The following CDH12 variants were observed in gnomAD, a reference collection of about 807,000 sequenced individuals.
CDH12 encodes cadherin 12.
Under a neutral mutation model 74.1 loss-of-function variants are expected in CDH12, and 41 were observed. The ratio of observed to expected loss-of-function variants is 0.55; its 90% confidence interval spans 0.43 to 0.72. The LOEUF is 0.72. Among genes scored for constraint, CDH12 ranks in the 30% least tolerant of loss-of-function variants. The pLI, the probability that CDH12 is intolerant of heterozygous loss-of-function variation, is 0.00. For synonymous variants in CDH12, 399 were observed against 355.0 expected, an observed-to-expected ratio of 1.12 and a Z score of -1.39; for missense variants, 945 against 977.2, an observed-to-expected ratio of 0.97 and a Z score of 0.44.
intron 1 of CDH12, among the ~76,000 whole-genome samples, chr5:22,802,797 T>C (rs1748600535): frequency 6.6e-6 from 1 of 152,182 alleles, no homozygotes; most frequent in Non-Finnish European, 1.5e-5. Flanking sequence ...TTTATATCCT[T>C]AAGATAAGCA....
intron 1 of CDH12, among the ~76,000 whole-genome samples, chr5:22,520,222 A>T (rs911553437): frequency 4.6e-5 from 7 of 152,076 alleles, no homozygotes; most frequent in African/African-American, 1.7e-4. Flanking sequence ...ATTGTTATTT[A>T]TTTTTCAATT....
chr5:21,841,602 C>T (rs1749856722), intron 8 of CDH12, among the ~76,000 whole-genome samples: 1 of 150,302 alleles, frequency 6.7e-6, no homozygotes, highest in Admixed American at 6.6e-5. Context: ...AGACTTGGAA[C>T]CAACCCAAAT....
intron 5 of CDH12, among the ~76,000 whole-genome samples, chr5:22,062,119 G>T (rs919156714): frequency 2.0e-5 from 3 of 152,054 alleles, no homozygotes; most frequent in African/African-American, 7.2e-5. Context: ...TTGAAATACT[G>T]GTTTTAGGTA....
intron 4 of CDH12, among the ~76,000 whole-genome samples, chr5:22,154,109 C>A (rs1255991214): frequency 1.3e-5 from 2 of 148,156 alleles, no homozygotes; most frequent in African/African-American, 2.5e-5. Context: ...GGTGTAATGA[C>A]AAAAAAATTG....
chr5:22,716,756 T>C (rs2126982936), intron 1 of CDH12, among the ~76,000 whole-genome samples: 1 of 152,166 alleles, frequency 6.6e-6, no homozygotes, highest in Non-Finnish European at 1.5e-5. Context: ...AACAGTGATA[T>C]TGATGATCCT....
intron 3 of CDH12, among the ~76,000 whole-genome samples, chr5:22,349,913 G>C (rs971375587): frequency 1.3e-5 from 2 of 152,118 alleles, no homozygotes; most frequent in African/African-American, 2.4e-5. Context: ...TCAACCAGTA[G>C]TTCATTGAAA....
intron 2 of CDH12, among the ~76,000 whole-genome samples, chr5:22,411,306 A>G (rs2126472976): frequency 6.6e-6 from 1 of 152,066 alleles, no homozygotes; most frequent in African/African-American, 2.4e-5. Context: ...GCTAATTATT[A>G]CAATACATCA....
At chr5:22,017,884 C>T (rs1211942989) in intron 5 of CDH12, among the ~76,000 whole-genome samples, 2 of 151,778 alleles carry the variant, frequency 1.3e-5, no homozygotes, top group South Asian at 2.1e-4. Context: ...TTCAGCCTCC[C>T]GAGTAGCTGG....
chr5:21,891,601 A>ACACT (rs762795304), intron 6 of CDH12, among the ~76,000 whole-genome samples: 1,898 of 150,320 alleles, frequency 0.013, 50 homozygotes, highest in African/African-American at 0.043. Context: ...ACACACACAC[A>ACACT]CTCTTTCTGG....
intron 1 of CDH12, among the ~76,000 whole-genome samples, chr5:22,519,852 G>T (rs77165484): frequency 0.045 from 6,822 of 152,140 alleles, 228 homozygotes; most frequent in Non-Finnish European, 0.068. Flanking sequence ...ATGGAGTTGT[G>T]GTGAGGTTTA....
At chr5:21,945,596 A>C (rs1334287042) in intron 6 of CDH12, among the ~76,000 whole-genome samples, 1 of 151,866 alleles carries the variant, frequency 6.6e-6, no homozygotes, top group Non-Finnish European at 1.5e-5. Flanking sequence ...AGTTATAAAA[A>C]GTAAATATGA....
rs200156096 is a variant in CDH12, at chr5:22,030,280, TA to T, written c.231+48165del. Among the ~76,000 whole-genome samples the T allele has an allele frequency of 3.8e-3, 577 of 151,474 alleles. 7 individuals carry two copies. Among genetic ancestry groups the T allele is most frequent in the African/African-American group, 0.013 (538 of 41,318 alleles). ...AAAGTTTAATAATAATAAAATAAAA[TA>T]AAAAAAAGAAAGGTATTTCTTGAAT... On this transcript the variant is annotated intron_variant, in intron 5 of 14. Coordinates refer to ENST00000382254, the MANE Select transcript of CDH12 (RefSeq NM_004061.5).
chr5:21,988,853 T>C (rs1757629882), intron 5 of CDH12, among the ~76,000 whole-genome samples: 1 of 152,106 alleles, frequency 6.6e-6, no homozygotes, highest in African/African-American at 2.4e-5. Flanking sequence ...TTAACAAATA[T>C]TAGGGCTGTG....
In CDH12 at chr5:22,144,558, GA is replaced by G. The variant is rs202099439; in HGVS notation, c.-186-65697del. 6.5e-3 allele frequency among the ~76,000 whole-genome samples: 990 copies of G among 152,126 alleles called. 12 individuals are homozygous for G. The highest frequency in any genetic ancestry group is 0.022 in the African/African-American group (926 of 41,550). On this transcript the variant is annotated intron_variant, in intron 4 of 14. Transcript: ENST00000382254. ...TAAGATTTTGCACTAAAAGTAAAAAGAAAATTGGGATAAAAATGTGCAGTGT... is the reference window on the plus strand; with the variant it reads ...TAAGATTTTGCACTAAAAGTAAAAAGAAATTGGGATAAAAATGTGCAGTGT...
chr5:21,813,790 C>G (rs920194721), intron 9 of CDH12, among the ~76,000 whole-genome samples: 1 of 152,128 alleles, frequency 6.6e-6, no homozygotes. Flanking sequence ...ATACAGAAGT[C>G]TTTTTTTATT....
intron 4 of CDH12, among the ~76,000 whole-genome samples, chr5:22,199,487 G>A (rs188108375): frequency 2.3e-4 from 35 of 152,248 alleles, no homozygotes; most frequent in Non-Finnish European, 4.1e-4. Context: ...AGCATTCATC[G>A]CTTTAACTAA....
intron 1 of CDH12, among the ~76,000 whole-genome samples, chr5:22,736,055 C>T (rs1744703226): frequency 6.6e-6 from 1 of 151,628 alleles, no homozygotes. Flanking sequence ...ACTTAAATTA[C>T]CTAAAGTATT....
chr5:22,625,285 C>T (rs1738227424), intron 1 of CDH12, among the ~76,000 whole-genome samples: 1 of 151,772 alleles, frequency 6.6e-6, no homozygotes, highest in Non-Finnish European at 1.5e-5. Context: ...TGCACATGTA[C>T]CCTAGAACTT....
intron 4 of CDH12, among the ~76,000 whole-genome samples, chr5:22,133,134 T>C (rs1187152265): frequency 6.6e-6 from 1 of 152,132 alleles, no homozygotes; most frequent in East Asian, 1.9e-4. Context: ...TTCAGATTCA[T>C]TGAAACATTC....
Sources: gnomAD v4.1 joint callset for allele counts (sites outside exome capture counted in the v4.1 genomes callset) on GRCh38, gnomAD v4.1.1 for gene constraint, MANE v1.5 for transcripts, NCBI Gene and HGNC (gene_info 2026-07-23, HGNC 2026-07-21) for gene names.